Variants in FBXO21 observed in about 807,000 individuals in gnomAD.
The protein encoded by FBXO21 is F-box protein 21, also known as F-box only protein 21.
In FBXO21, 32 loss-of-function variants were observed where a neutral mutation model predicts 76.6. The ratio of observed to expected loss-of-function variants is 0.42; its 90% CI spans 0.32 to 0.56. FBXO21 has a LOEUF of 0.56. FBXO21 is among the 20% of genes least tolerant of loss of function. FBXO21 has a pLI of 0.16. For missense variants in FBXO21, 586 were observed against 797.3 expected (o/e 0.73, Z 3.19); for synonymous variants, 328 against 311.5 (o/e 1.05, Z -0.56).
chr12:117,145,015 TGACTCTAAG>T lies in FBXO21; in HGVS notation c.*1063_*1071del, dbSNP rs1955752239. The T allele has an allele frequency of 3.3e-5, 5 of 151,770 alleles. No individual in the cohort carries two copies. The highest frequency in any genetic ancestry group is 3.3e-4 in the Admixed American group (5 of 15,236). 9.4% of individuals were successfully genotyped at this position (151,770 alleles called of 1,614,324 possible). ...TGCCACATTCAAACAGGCCTTGAAG[TGACTCTAAG>T]GAATAACAAGAGGTGTGAAACCACT... On this transcript the variant is annotated 3_prime_UTR_variant, in exon 12 of 12. Coordinates refer to ENST00000622495, the MANE Select transcript of FBXO21 (RefSeq NM_015002.3).
intron 11 of FBXO21, among the ~76,000 whole-genome samples, chr12:117,147,079 T>TA (rs1354306888): frequency 2.0e-5 from 3 of 150,582 alleles, no homozygotes; most frequent in Non-Finnish European, 4.4e-5. Flanking sequence ...CCGTCTCTAC[T>TA]AAAAATACAA....
Position 117,145,011 on chromosome 12 carries a change from G to C in FBXO21, c.*1076C>G, listed in dbSNP as rs1243059184. The C allele has an allele frequency of 1.3e-5, 2 of 150,802 alleles. No individual in the cohort carries two copies. The highest frequency in any genetic ancestry group is 2.1e-4 in the South Asian group (1 of 4,778). The allele number at this position is 150,802 out of a possible 1,614,324, so 9.3% of individuals were successfully genotyped here. A position where few individuals can be genotyped will look rare whatever the true frequency, so the allele number is the denominator to read the frequency against. On this transcript the variant is annotated 3_prime_UTR_variant, in exon 12 of 12. Coordinates refer to ENST00000622495, the MANE Select transcript of FBXO21 (RefSeq NM_015002.3). ...AACCTGCCACATTCAAACAGGCCTTGAAGTGACTCTAAGGAATAACAAGAG... is the reference window on the plus strand; with the variant it reads ...AACCTGCCACATTCAAACAGGCCTTCAAGTGACTCTAAGGAATAACAAGAG...
intron 9 of FBXO21, among the ~76,000 whole-genome samples, chr12:117,158,502 C>T (rs1365579443): frequency 6.6e-6 from 1 of 152,080 alleles, no homozygotes; most frequent in Non-Finnish European, 1.5e-5. Context: ...TCACTTGCCA[C>T]TCACGAATTC....
chr12:117,172,697 A>G, intron 6 of FBXO21, 90 bp from the exon 7 acceptor site: 1 of 1,331,426 alleles, frequency 7.5e-7, no homozygotes, highest in Non-Finnish European at 1.0e-6. Flanking sequence ...CCTATTGTGC[A>G]TTGGGCATGA....
intron 4 of FBXO21, among the ~76,000 whole-genome samples, chr12:117,176,865 A>C (rs1234049230): frequency 6.6e-6 from 1 of 152,222 alleles, no homozygotes; most frequent in Non-Finnish European, 1.5e-5. Context: ...AATCTGGTAA[A>C]ACATCAGAAG....
rs770496734 is a variant in FBXO21, at chr12:117,146,192, G to A, written c.1761C>T (p.Tyr587=). 11 of 1,613,956 alleles carry A rather than the reference G, an allele frequency of 6.8e-6. No homozygotes were observed. In the African/African-American group the frequency reaches 1.2e-4, roughly 18 times the overall value. ...GGATCTCCAGCTCTGCGTTTGGGAT[G>A]TAGTGAGTGCCAGTAAACTCTGAGA... ...RYFSEFTGTH[Y]IPNAELEIRY... The change falls in exon 12 of 12, where the codon TAC becomes TAT. Residue 587 remains tyrosine, a synonymous_variant. Transcript: ENST00000622495.
intron 3 of FBXO21, among the ~76,000 whole-genome samples, chr12:117,185,837 G>A (rs918672005): frequency 6.6e-6 from 1 of 152,146 alleles, no homozygotes; most frequent in African/African-American, 2.4e-5. Context: ...TAAGTGGAGA[G>A]GTAATAATGA....
rs569845919 is a variant in FBXO21, at chr12:117,177,220, G to C, written c.592+300C>G. Among the ~76,000 whole-genome samples the C allele has an allele frequency of 3.9e-5, 6 of 152,328 alleles. No homozygotes were observed. The South Asian group carries it at 1.0e-3, about 26-fold the overall frequency. ...TTCTGATTTGGAAATGATCATTAAA[G>C]CTCGGAAAAACAGGAATTTACTTCA... On this transcript the variant is annotated intron_variant, in intron 4 of 11. Transcript: ENST00000622495.
chr12:117,160,757 G>A (rs1424248782), intron 9 of FBXO21, among the ~76,000 whole-genome samples: 1 of 152,158 alleles, frequency 6.6e-6, no homozygotes, highest in Non-Finnish European at 1.5e-5. Context: ...AGCCTCGCAA[G>A]TAGCTGGGAC....
chr12:117,146,594 G>T (rs1387025466), intron 11 of FBXO21, among the ~76,000 whole-genome samples: 1 of 152,174 alleles, frequency 6.6e-6, no homozygotes, highest in Non-Finnish European at 1.5e-5. Context: ...GACTCAACAG[G>T]TCTCTCTGAC....
At chr12:117,153,851 A>G (rs977028436) in intron 11 of FBXO21, among the ~76,000 whole-genome samples, 2 of 152,266 alleles carry the variant, frequency 1.3e-5, no homozygotes, top group East Asian at 1.9e-4. Context: ...TAAAACCAAC[A>G]AGCAGATATT....
intron 11 of FBXO21, 61 bp downstream of exon 11, chr12:117,155,730 T>C: frequency 6.5e-7 from 1 of 1,541,912 alleles, no homozygotes; most frequent in Non-Finnish European, 8.8e-7. Flanking sequence ...ACCCGAGGGC[T>C]CAAACGTGCG....
chr12:117,148,685 G>A (rs978465498), intron 11 of FBXO21, among the ~76,000 whole-genome samples: 2 of 152,164 alleles, frequency 1.3e-5, no homozygotes, highest in African/African-American at 2.4e-5. Context: ...ATTTAACCCC[G>A]GACTCAAACC....
At chr12:117,188,670 CAAA>C (rs1956312768) in intron 2 of FBXO21, 1 of 145,738 alleles carries the variant, frequency 6.9e-6, no homozygotes, top group South Asian at 2.2e-4. Context: ...AAAAAAAACC[CAAA>C]AACTTTTCAG....
chr12:117,174,078 G>T, intron 6 of FBXO21, 127 bp downstream of exon 6: 1 of 747,716 alleles, frequency 1.3e-6, no homozygotes, highest in Non-Finnish European at 2.2e-6. Context: ...TTGAGGTTGC[G>T]GTAAGCTATG....
chr12:117,155,089 T>TA (rs1955895541), intron 11 of FBXO21: 1 of 152,274 alleles, frequency 6.6e-6, no homozygotes, highest in Non-Finnish European at 1.5e-5. Flanking sequence ...AAATGTGAAT[T>TA]ATTAATTAAT....
At chr12:117,160,560 A>G (rs1226198932) in intron 9 of FBXO21, among the ~76,000 whole-genome samples, 1 of 152,218 alleles carries the variant, frequency 6.6e-6, no homozygotes, top group Non-Finnish European at 1.5e-5. Context: ...AGAGTGGCAT[A>G]AACTGCCCCC....
At chr12:117,186,073 C>T (rs1204730759) in intron 3 of FBXO21, among the ~76,000 whole-genome samples, 1 of 152,168 alleles carries the variant, frequency 6.6e-6, no homozygotes, top group East Asian at 1.9e-4. Context: ...GATGGGGTTT[C>T]ACCACGTTGG....
intron 11 of FBXO21, among the ~76,000 whole-genome samples, chr12:117,148,627 G>A (rs1020099269): frequency 1.3e-4 from 20 of 152,348 alleles, no homozygotes; most frequent in African/African-American, 4.3e-4. Flanking sequence ...CCCCTGCCAC[G>A]TAACCCTGGA....
Sources: allele counts gnomAD v4.1 joint callset (sites outside exome capture counted in the v4.1 genomes callset), GRCh38; gene constraint gnomAD v4.1.1; transcripts MANE v1.5; gene names NCBI Gene and HGNC (gene_info 2026-07-23, HGNC 2026-07-21).